The following AKAP13 variants were observed in gnomAD, a reference collection of about 807,000 sequenced individuals.
AKAP13 encodes A-kinase anchoring protein 13, also known as A-kinase anchor protein 13.
A neutral mutation model predicts 264.5 loss-of-function variants in AKAP13; 80 were observed. The observed-to-expected ratio is 0.30, with a 90% CI of 0.25 to 0.36. AKAP13 has a LOEUF of 0.36. Ranked by LOEUF, AKAP13 falls within the 10% of genes least tolerant of loss-of-function variation. The probability of loss-of-function intolerance (pLI) is 1.00; values close to 1 mark genes in which losing one functional copy is unlikely to be tolerated. For missense variants in AKAP13, 3,712 were observed against 3,435.2 expected (o/e 1.08, Z -2.01); for synonymous variants, 1,380 against 1,250.2 (o/e 1.10, Z -2.19).
Position 85,580,334 on chromosome 15 carries a change from C to T in AKAP13, c.2266C>T (p.Leu756Phe), listed in dbSNP as rs775727361. The T allele has an allele frequency of 6.2e-7, 1 of 1,614,194 alleles. No homozygotes were observed. The highest frequency in any genetic ancestry group is 8.5e-7 in the Non-Finnish European group (1 of 1,180,034). ...ACTAGATAAACCTTTAACAAATATG[C>T]TTGAGGTGGTTTCACATCCACATCC... Reference protein sequence around the residue: ...VKLDKPLTNMLEVVSHPHPVV... With the variant: ...VKLDKPLTNMFEVVSHPHPVV... Residue 756 changes from leucine to phenylalanine, a missense_variant, in exon 7 of 37, where the codon CTT (leucine) becomes TTT (phenylalanine). Leu to Phe is a conservative substitution (Grantham distance 22). Around this residue, in one of 3 missense-constraint regions of AKAP13, gnomAD observed 2,759 missense variants for 2,411.7 expected, o/e 1.14. Coordinates refer to ENST00000394518, the MANE Select transcript of AKAP13 (RefSeq NM_007200.5).
At chr15:85,562,923 A>C (rs1376991279) in intron 5 of AKAP13, among the ~76,000 whole-genome samples, 2 of 147,952 alleles carry the variant, frequency 1.4e-5, no homozygotes, top group African/African-American at 5.0e-5. Context: ...CATATTGGCC[A>C]GGCTGGTCTC....
chr15:85,579,224 G>A lies in AKAP13; in HGVS notation c.1156G>A (p.Ala386Thr). Reference sequence around the variant, plus strand: ...AAGAAAAGGGGAAGAGGTGGAGCCAGCACCTATTGTGGACTCTGGAACTGT... The same window carrying A: ...AAGAAAAGGGGAAGAGGTGGAGCCAACACCTATTGTGGACTCTGGAACTGT... Reference protein sequence around the residue: ...VERKGEEVEPAPIVDSGTVSD... With the variant: ...VERKGEEVEPTPIVDSGTVSD... Residue 386 changes from alanine (A) to threonine (T), a missense_variant, in exon 7 of 37, where the codon GCA (alanine) becomes ACA (threonine). By Grantham distance (58) the Ala-to-Thr change is moderately conservative (BLOSUM62 0). Coordinates refer to ENST00000394518, the MANE Select transcript of AKAP13 (RefSeq NM_007200.5). The A allele has an allele frequency of 6.2e-7, 1 of 1,614,230 alleles. No individual in the cohort carries two copies.
At chr15:85,737,148 G>T (rs2088594802) in intron 33 of AKAP13, among the ~76,000 whole-genome samples, 1 of 152,044 alleles carries the variant, frequency 6.6e-6, no homozygotes, top group African/African-American at 2.4e-5. Flanking sequence ...TTGAACTCCT[G>T]ACCTCAGGCA....
intron 2 of AKAP13, among the ~76,000 whole-genome samples, chr15:85,495,490 T>G (rs981686622): frequency 6.6e-6 from 1 of 152,188 alleles, no homozygotes; most frequent in African/African-American, 2.4e-5. Context: ...AAACTTGCTT[T>G]TTTGTGTCTC....
chr15:85,586,152 A>G (rs563758968), intron 8 of AKAP13, among the ~76,000 whole-genome samples: 2 of 151,934 alleles, frequency 1.3e-5, no homozygotes, highest in African/African-American at 2.4e-5. Context: ...AAGGGGATCT[A>G]TAGACCTTTT....
chr15:85,742,222 A>T (rs1185288908), intron 35 of AKAP13, among the ~76,000 whole-genome samples: 1 of 152,168 alleles, frequency 6.6e-6, no homozygotes, highest in Middle Eastern at 3.2e-3. Context: ...GAGGAGTCTC[A>T]GTGTGTCTGA....
At chr15:85,659,445 C>T (rs980899448) in intron 12 of AKAP13, among the ~76,000 whole-genome samples, 3 of 152,142 alleles carry the variant, frequency 2.0e-5, no homozygotes, top group African/African-American at 7.2e-5. Flanking sequence ...CAAGTGGATG[C>T]TTTCTTTAAT....
rs2086430890 is a variant in AKAP13, at chr15:85,708,316, T to A, written c.5532+230T>A. Among the ~76,000 whole-genome samples the A allele has an allele frequency of 6.6e-6, 1 of 152,222 alleles. No homozygotes were observed. Among genetic ancestry groups the A allele is most frequent in the African/African-American group, 2.4e-5 (1 of 41,458 alleles). On this transcript the variant is annotated intron_variant, in intron 18 of 36. Transcript: ENST00000394518. The surrounding 1 kb of genome is among the most constrained non-coding windows in gnomAD (Gnocchi z 4.3). Reference sequence around the variant, plus strand: ...CAGAAAAGAAAACGCTTTCAGAACTTCTTCACGTTCAATATACATTTCTTC... The same window carrying A: ...CAGAAAAGAAAACGCTTTCAGAACTACTTCACGTTCAATATACATTTCTTC...
intron 6 of AKAP13, chr15:85,577,719 T>C: frequency 1.2e-6 from 1 of 800,506 alleles, no homozygotes; most frequent in Non-Finnish European, 1.5e-6. Flanking sequence ...TAGGTATATG[T>C]TCTCATTTAT....
chr15:85,689,371 A>C (rs1287016689), intron 16 of AKAP13, among the ~76,000 whole-genome samples: 1 of 152,234 alleles, frequency 6.6e-6, no homozygotes, highest in Non-Finnish European at 1.5e-5. Context: ...GTTTGATCAT[A>C]TCATGTTTTC....
chr15:85,538,829 T>C (rs1055939785), intron 4 of AKAP13, among the ~76,000 whole-genome samples: 2 of 144,652 alleles, frequency 1.4e-5, no homozygotes, highest in Admixed American at 1.4e-4. Flanking sequence ...GCTACATTAG[T>C]GTTTGTGTAT....
At chr15:85,552,952 C>T (rs2078013463) in intron 5 of AKAP13, among the ~76,000 whole-genome samples, 1 of 151,942 alleles carries the variant, frequency 6.6e-6, no homozygotes, top group Non-Finnish European at 1.5e-5. Context: ...ATTGAACTTA[C>T]CCTAGAAAGA....
chr15:85,532,612 G>T (rs763483294), intron 3 of AKAP13, among the ~76,000 whole-genome samples: 1 of 152,228 alleles, frequency 6.6e-6, no homozygotes, highest in Non-Finnish European at 1.5e-5. Flanking sequence ...GGCTATTTGA[G>T]ATCAGTGTGT....
intron 8 of AKAP13, among the ~76,000 whole-genome samples, chr15:85,636,497 C>T (rs2082075173): frequency 6.6e-6 from 1 of 152,128 alleles, no homozygotes; most frequent in Admixed American, 6.6e-5. Context: ...AGTCTTTCAC[C>T]AATAAATATA....
intron 30 of AKAP13, among the ~76,000 whole-genome samples, chr15:85,733,880 T>C (rs1217540576): frequency 1.4e-5 from 2 of 143,748 alleles, no homozygotes; most frequent in African/African-American, 2.5e-5. Flanking sequence ...TTTCTTTTTT[T>C]TTTTTTTTTT....
At chr15:85,684,249 C>T (rs2084772058) in intron 15 of AKAP13, among the ~76,000 whole-genome samples, 1 of 152,034 alleles carries the variant, frequency 6.6e-6, no homozygotes, top group Non-Finnish European at 1.5e-5. Flanking sequence ...AACATGAGGT[C>T]ACTGAAAATC....
At position 85,483,552 on chromosome 15, in the gene AKAP13, G is replaced by A. The variant is rs556189969; in HGVS notation, c.-11-2158G>A. ...GAGGCAGGATAATGGCGTGAACCCG[G>A]GAAGCGGAGCTTGCAGTGAGCCGAG... On this transcript the variant is annotated intron_variant, in intron 1 of 36. Coordinates refer to ENST00000394518, the MANE Select transcript of AKAP13 (RefSeq NM_007200.5). Among the ~76,000 whole-genome samples the A allele has an allele frequency of 2.7e-5, 4 of 148,350 alleles. No homozygotes were observed. The East Asian group carries it at 7.8e-4, about 29-fold the overall frequency.
chr15:85,412,475 T>TTTTTG (rs1270273033), intron 1 of AKAP13, among the ~76,000 whole-genome samples: 1 of 152,222 alleles, frequency 6.6e-6, no homozygotes, highest in Non-Finnish European at 1.5e-5. Flanking sequence ...CACGTTCTTA[T>TTTTTG]TTTTGTTTTG....
rs114517568 is a variant in AKAP13, at chr15:85,740,233, G to T, written c.7569G>T (p.Gln2523His). The change falls in exon 34 of 37, where the codon CAG (glutamine) becomes CAT (histidine). Residue 2523 changes from glutamine (Q) to histidine (H), a missense_variant. Gln to His is a conservative substitution (Grantham distance 24). Coordinates refer to ENST00000394518, the MANE Select transcript of AKAP13 (RefSeq NM_007200.5). ...TGTTCCTTTGGCAGCAGGTTGTCCAGAGCGTTGTTCATCTCTACGAGCTCC... is the reference window on the plus strand; with the variant it reads ...TGTTCCTTTGGCAGCAGGTTGTCCATAGCGTTGTTCATCTCTACGAGCTCC... Reference protein sequence around the residue: ...MLKRNSEQVVQSVVHLYELLS... With the variant: ...MLKRNSEQVVHSVVHLYELLS... 5.6e-5 allele frequency: 91 copies of T among 1,614,034 alleles called. 1 individual carries two copies. In the East Asian group the frequency reaches 2.0e-3, roughly 36 times the overall value.
Sources: gnomAD v4.1 joint callset for allele counts (sites outside exome capture counted in the v4.1 genomes callset) on GRCh38, gnomAD v4.1.1 for gene constraint, gnomAD v4.1.1 regional missense constraint, Gnocchi (gnomAD v3.1) non-coding constraint, MANE v1.5 for transcripts, NCBI Gene and HGNC (gene_info 2026-07-23, HGNC 2026-07-21) for gene names.